ITPR1: variants seen among roughly 807,000 people sequenced by gnomAD.
The protein encoded by ITPR1 is inositol 1,4,5-trisphosphate-gated calcium channel ITPR1.
Under a neutral mutation model 318.4 loss-of-function variants are expected in ITPR1, and 96 were observed. The ratio of observed to expected loss-of-function variants is 0.30; its 90% CI spans 0.26 to 0.36. The LOEUF is 0.36. Among genes scored for constraint, ITPR1 ranks in the 10% least tolerant of loss-of-function variants. ITPR1 has a pLI of 1.00. For synonymous variants in ITPR1, 1,312 were observed against 1,289.9 expected (o/e 1.02, Z -0.37); for missense variants, 2,440 against 3,460.2 (o/e 0.71, Z 7.40).
chr3:4,836,735 CTTTTTTTTTT>C lies in ITPR1; in HGVS notation c.8029-24_8029-15del, dbSNP rs201029025. On this transcript the variant is annotated intron_variant, in intron 60 of 61. Transcript: ENST00000649015. Reference sequence around the variant, plus strand: ...TTTTTACCTCTAGAAGTGACTCAGTCTTTTTTTTTTTTTTTTTTTTTTTTAATGTGGATTC... The same window carrying C: ...TTTTTACCTCTAGAAGTGACTCAGTCTTTTTTTTTTTTTTAATGTGGATTC... 3.6e-3 allele frequency: 3,848 copies of C among 1,067,040 alleles called. No individual in the cohort carries two copies. Among genetic ancestry groups the C allele is most frequent in the South Asian group, 7.6e-3 (258 of 34,044 alleles). 66.1% of individuals were successfully genotyped at this position (1,067,040 alleles called of 1,614,324 possible).
At chr3:4,536,312 A>C (rs1559404231) in intron 4 of ITPR1, among the ~76,000 whole-genome samples, 5 of 152,232 alleles carry the variant, frequency 3.3e-5, no homozygotes. Flanking sequence ...ACTTTAAGAT[A>C]ACTATCTAAT....
chr3:4,763,722 C>A (rs1179967151), intron 44 of ITPR1, among the ~76,000 whole-genome samples: 1 of 152,262 alleles, frequency 6.6e-6, no homozygotes, highest in Non-Finnish European at 1.5e-5. Flanking sequence ...CGGAAACACA[C>A]ACAGCAATGT....
At chr3:4,784,757 C>CGTG (rs2047072957) in intron 51 of ITPR1, among the ~76,000 whole-genome samples, 1 of 148,736 alleles carries the variant, frequency 6.7e-6, no homozygotes, top group South Asian at 2.1e-4. Flanking sequence ...ATTAGCCAGG[C>CGTG]GTGGTGGCAC....
intron 4 of ITPR1, among the ~76,000 whole-genome samples, chr3:4,609,033 AAAC>A (rs1201964424): frequency 3.2e-5 from 4 of 123,440 alleles, no homozygotes; most frequent in African/African-American, 5.6e-5. Flanking sequence ...AAACAAAAGA[AAAC>A]AACAACAACA....
intron 38 of ITPR1, chr3:4,711,498 C>T (rs1220668698): frequency 2.5e-6 from 1 of 392,538 alleles, no homozygotes; most frequent in Admixed American, 4.2e-5. Flanking sequence ...GTTCTCCTCT[C>T]CATATAATCT....
At chr3:4,741,957 G>A (rs1575088044) in intron 44 of ITPR1, among the ~76,000 whole-genome samples, 1 of 152,172 alleles carries the variant, frequency 6.6e-6, no homozygotes, top group African/African-American at 2.4e-5. Context: ...TCCTGCACGT[G>A]GGGGTTCGAG....
intron 21 of ITPR1, among the ~76,000 whole-genome samples, chr3:4,673,759 T>G (rs1001881399): frequency 4.6e-5 from 7 of 152,142 alleles, no homozygotes; most frequent in African/African-American, 1.7e-4. Flanking sequence ...ATTTTTTGTA[T>G]TTTTAGTAGG....
intron 4 of ITPR1, among the ~76,000 whole-genome samples, chr3:4,521,588 G>A (rs1007119699): frequency 6.6e-6 from 1 of 152,130 alleles, no homozygotes; most frequent in Non-Finnish European, 1.5e-5. Flanking sequence ...AGTGGCGCAT[G>A]CTTGTAATCT....
intron 4 of ITPR1, among the ~76,000 whole-genome samples, chr3:4,528,684 C>T (rs904517843): frequency 2.0e-5 from 3 of 152,046 alleles, no homozygotes; most frequent in African/African-American, 7.2e-5. Flanking sequence ...TTCTGCCTGT[C>T]TTGTTAAATA....
At chr3:4,622,349 G>A (rs930387541) in intron 4 of ITPR1, among the ~76,000 whole-genome samples, 17 of 150,682 alleles carry the variant, frequency 1.1e-4, no homozygotes, top group Non-Finnish European at 2.1e-4. Flanking sequence ...TCTTGACCTC[G>A]TGATCCGCCT....
chr3:4,654,320 A>T (rs1466716216), intron 12 of ITPR1, among the ~76,000 whole-genome samples: 6 of 152,228 alleles, frequency 3.9e-5, no homozygotes, highest in African/African-American at 1.4e-4. Flanking sequence ...GAGGTAACAC[A>T]TGAGGCTTAG....
At chr3:4,786,599 T>C (rs1392276537) in intron 51 of ITPR1, among the ~76,000 whole-genome samples, 1 of 152,236 alleles carries the variant, frequency 6.6e-6, no homozygotes, top group Non-Finnish European at 1.5e-5. Context: ...GACTTGTGCC[T>C]CTACTATACT....
intron 4 of ITPR1, among the ~76,000 whole-genome samples, chr3:4,579,550 C>T (rs572538438): frequency 6.6e-6 from 1 of 152,122 alleles, no homozygotes; most frequent in South Asian, 2.1e-4. Flanking sequence ...TCTGGCTTTG[C>T]TTAGAGAAAG....
At chr3:4,552,010 G>T (rs1204351758) in intron 4 of ITPR1, among the ~76,000 whole-genome samples, 1 of 152,202 alleles carries the variant, frequency 6.6e-6, no homozygotes, top group African/African-American at 2.4e-5. Flanking sequence ...GATAGCAGAA[G>T]TAATCCCATT....
At chr3:4,780,555 T>C (rs2046762835) in intron 49 of ITPR1, among the ~76,000 whole-genome samples, 1 of 152,146 alleles carries the variant, frequency 6.6e-6, no homozygotes, top group South Asian at 2.1e-4. Flanking sequence ...GCTAATAAAC[T>C]GTAACTGACA....
chr3:4,789,089 G>T (rs906624315), intron 52 of ITPR1, among the ~76,000 whole-genome samples: 6 of 152,142 alleles, frequency 3.9e-5, no homozygotes, highest in South Asian at 4.1e-4. Context: ...GTGCAAGAAG[G>T]TTCGCCCAAA....
chr3:4,824,199 T>G (rs552014654), intron 60 of ITPR1, among the ~76,000 whole-genome samples: 3 of 152,286 alleles, frequency 2.0e-5, no homozygotes, highest in African/African-American at 7.2e-5. Context: ...GGAGGAGCAG[T>G]CTGTGCTGGG....
intron 13 of ITPR1, among the ~76,000 whole-genome samples, chr3:4,659,883 G>C (rs1416869546): frequency 6.6e-6 from 1 of 151,958 alleles, no homozygotes; most frequent in East Asian, 1.9e-4. Context: ...TAATAAATTT[G>C]TATTCTATTA....
At chr3:4,748,264 G>A (rs1383530933) in intron 44 of ITPR1, among the ~76,000 whole-genome samples, 3 of 152,212 alleles carry the variant, frequency 2.0e-5, no homozygotes, top group Non-Finnish European at 4.4e-5. Context: ...ATGTGAGGGA[G>A]CTATTCAGTG....
Sources: allele counts gnomAD v4.1 joint callset (sites outside exome capture counted in the v4.1 genomes callset), GRCh38; gene constraint gnomAD v4.1.1; transcripts MANE v1.5; gene names NCBI Gene and HGNC (gene_info 2026-07-23, HGNC 2026-07-21).